SORCS1: variants seen among roughly 807,000 people sequenced by gnomAD.
The protein encoded by SORCS1 is VPS10 domain-containing receptor SorCS1.
SORCS1 carries 60 observed loss-of-function variants against 146.1 expected under a neutral mutation model. The ratio of observed to expected loss-of-function variants is 0.41; its 90% confidence interval spans 0.33 to 0.51. SORCS1 has a LOEUF of 0.51. SORCS1 is among the 20% of genes least tolerant of loss of function. The probability of loss-of-function intolerance (pLI) is 0.21; values close to 1 mark genes in which losing one functional copy is unlikely to be tolerated. For synonymous variants in SORCS1, 637 were observed against 584.0 expected (o/e 1.09, Z -1.31); for missense variants, 1,352 against 1,487.6 (o/e 0.91, Z 1.50).
intron 2 of SORCS1, among the ~76,000 whole-genome samples, chr10:106,903,487 T>A (rs1180140070): frequency 6.6e-6 from 1 of 152,232 alleles, no homozygotes; most frequent in Non-Finnish European, 1.5e-5. Flanking sequence ...ATCCTATTGT[T>A]ACTTGGCTCT....
In SORCS1 at chr10:106,962,905, GT is replaced by G. The variant is rs369825185; in HGVS notation, c.559-6326del. Reference sequence around the variant, plus strand: ...CCACCATCTTACAGCAGGCCTTAGTGTTTTTTCATTGTCCAAGCTCCGATAG... The same window carrying G: ...CCACCATCTTACAGCAGGCCTTAGTGTTTTTCATTGTCCAAGCTCCGATAG... On this transcript the variant is annotated intron_variant, in intron 1 of 25. Coordinates refer to ENST00000263054, the MANE Select transcript of SORCS1 (RefSeq NM_052918.5). Among the ~76,000 whole-genome samples the G allele has an allele frequency of 5.4e-4, 82 of 152,152 alleles. 1 individual carries two copies. Among genetic ancestry groups the G allele is most frequent in the Middle Eastern group, 3.4e-3 (1 of 294 alleles).
At chr10:106,786,484 T>C (rs1946059592) in intron 3 of SORCS1, among the ~76,000 whole-genome samples, 1 of 152,156 alleles carries the variant, frequency 6.6e-6, no homozygotes, top group African/African-American at 2.4e-5. Context: ...TTTCCTTCAG[T>C]GTGAATGTCC....
At chr10:106,944,837 AAG>A (rs57691597) in intron 2 of SORCS1, among the ~76,000 whole-genome samples, 91,966 of 132,916 alleles carry the variant, frequency 0.69, 32,422 homozygotes, top group East Asian at 0.8. Context: ...GAAAGAAACA[AAG>A]AGAGCTATGG....
At chr10:107,137,884 A>G (rs1047591431) in intron 1 of SORCS1, among the ~76,000 whole-genome samples, 9 of 151,352 alleles carry the variant, frequency 5.9e-5, no homozygotes, top group African/African-American at 2.2e-4. Flanking sequence ...AAAAAAATTC[A>G]ATACTGTTAA....
At chr10:107,065,605 C>T (rs1327924433) in intron 1 of SORCS1, among the ~76,000 whole-genome samples, 1 of 151,366 alleles carries the variant, frequency 6.6e-6, no homozygotes, top group Non-Finnish European at 1.5e-5. Flanking sequence ...GCAACTTTCG[C>T]CTCCAGGGCT....
At chr10:106,593,025 G>C (rs758426425) in intron 24 of SORCS1, among the ~76,000 whole-genome samples, 1 of 151,490 alleles carries the variant, frequency 6.6e-6, no homozygotes, top group Non-Finnish European at 1.5e-5. Context: ...TCTGGTCCCA[G>C]CTACTTGGGA....
Position 107,109,697 on chromosome 10 carries a change from C to T in SORCS1, c.558+54272G>A, listed in dbSNP as rs549566492. 5.9e-5 allele frequency among the ~76,000 whole-genome samples: 9 copies of T among 152,298 alleles called. No individual in the cohort carries two copies. In the South Asian group the frequency reaches 6.2e-4, roughly 11 times the overall value. ...TAGTTATGCAAATTTCTCTAGCAAGCGGTTGCTACGTAGCCTGCTTGAATT... is the reference window on the plus strand; with the variant it reads ...TAGTTATGCAAATTTCTCTAGCAAGTGGTTGCTACGTAGCCTGCTTGAATT... On this transcript the variant is annotated intron_variant, in intron 1 of 25. Coordinates refer to ENST00000263054, the MANE Select transcript of SORCS1 (RefSeq NM_052918.5).
At chr10:106,731,770 C>T (rs1300355138) in intron 5 of SORCS1, among the ~76,000 whole-genome samples, 2 of 152,048 alleles carry the variant, frequency 1.3e-5, no homozygotes, top group African/African-American at 4.8e-5. Context: ...AATAAAGCTA[C>T]TGGAAGGTCT....
intron 5 of SORCS1, among the ~76,000 whole-genome samples, chr10:106,738,220 T>C (rs956035596): frequency 2.0e-5 from 3 of 152,214 alleles, no homozygotes; most frequent in Non-Finnish European, 4.4e-5. Context: ...TATCAGTAAT[T>C]TAAGAACTTT....
chr10:106,921,762 T>C (rs1398640908), intron 2 of SORCS1, among the ~76,000 whole-genome samples: 1 of 152,106 alleles, frequency 6.6e-6, no homozygotes, highest in Non-Finnish European at 1.5e-5. Context: ...ATGCTAAGGG[T>C]CCAGTGCCCC....
chr10:107,074,673 G>A (rs981505960), intron 1 of SORCS1, among the ~76,000 whole-genome samples: 1 of 152,198 alleles, frequency 6.6e-6, no homozygotes, highest in African/African-American at 2.4e-5. Context: ...CAATGAAGAA[G>A]AGTTCTTGTT....
chr10:106,709,542 G>A (rs1409705207), intron 6 of SORCS1, among the ~76,000 whole-genome samples: 6 of 149,576 alleles, frequency 4.0e-5, no homozygotes, highest in African/African-American at 7.4e-5. Context: ...TCCGCCTCCC[G>A]GGTTCACGCC....
chr10:106,861,595 CA>C (rs1950017699), intron 2 of SORCS1, among the ~76,000 whole-genome samples: 1 of 151,846 alleles, frequency 6.6e-6, no homozygotes, highest in Admixed American at 6.6e-5. Context: ...TAAAATGGTT[CA>C]AATACCCTCA....
intron 1 of SORCS1, among the ~76,000 whole-genome samples, chr10:107,008,559 T>C (rs966873211): frequency 6.6e-6 from 1 of 152,204 alleles, no homozygotes; most frequent in South Asian, 2.1e-4. Context: ...GATTGATGAA[T>C]AGGTTGTGTT....
chr10:106,715,939 G>A lies in SORCS1; in HGVS notation c.1025-6598C>T, dbSNP rs187958009. On this transcript the variant is annotated intron_variant, in intron 6 of 25. Coordinates refer to ENST00000263054, the MANE Select transcript of SORCS1 (RefSeq NM_052918.5). ...GGCTAATTTTTGTATTTTTAGTAGAGACAGGGTTTCACCATGTCGGTCAGG... is the reference window on the plus strand; with the variant it reads ...GGCTAATTTTTGTATTTTTAGTAGAAACAGGGTTTCACCATGTCGGTCAGG... Among the ~76,000 whole-genome samples, 1,275 of 152,076 alleles carry A rather than the reference G, an allele frequency of 8.4e-3. 19 individuals carry two copies. Among genetic ancestry groups the A allele is most frequent in the African/African-American group, 0.029 (1,213 of 41,468 alleles).
chr10:106,905,932 T>C (rs1951890462), intron 2 of SORCS1, among the ~76,000 whole-genome samples: 1 of 152,238 alleles, frequency 6.6e-6, no homozygotes, highest in South Asian at 2.1e-4. Context: ...GCAAACTTTT[T>C]GTACTATCTC....
At chr10:106,771,940 A>T (rs182470164) in intron 4 of SORCS1, among the ~76,000 whole-genome samples, 208 of 152,304 alleles carry the variant, frequency 1.4e-3, no homozygotes, top group African/African-American at 4.2e-3. Flanking sequence ...CCTTTCAGTC[A>T]TTCTAGTGGT....
At chr10:107,134,591 A>G (rs531744816) in intron 1 of SORCS1, among the ~76,000 whole-genome samples, 3 of 152,258 alleles carry the variant, frequency 2.0e-5, no homozygotes, top group Admixed American at 2.0e-4. Context: ...GTGAGCCGAG[A>G]TCGCGCCACT....
intron 1 of SORCS1, among the ~76,000 whole-genome samples, chr10:107,001,984 G>C (rs1427401931): frequency 6.6e-6 from 1 of 152,102 alleles, no homozygotes. Flanking sequence ...TCTTACAGTA[G>C]TAATGTGTCA....
Sources: allele counts gnomAD v4.1 joint callset (sites outside exome capture counted in the v4.1 genomes callset), GRCh38; gene constraint gnomAD v4.1.1; transcripts MANE v1.5; gene names NCBI Gene and HGNC (gene_info 2026-07-23, HGNC 2026-07-21).